Variants in LINGO2 observed in about 807,000 individuals in gnomAD.
LINGO2 encodes the protein leucine-rich repeat and immunoglobulin-like domain-containing nogo receptor-interacting protein 2.
A neutral mutation model predicts 30.6 loss-of-function variants in LINGO2; 14 were observed. The ratio of observed to expected loss-of-function variants is 0.46; its 90% CI spans 0.30 to 0.72. The LOEUF is 0.72. Ranked by LOEUF, LINGO2 falls within the 30% of genes least tolerant of loss-of-function variation. The probability of loss-of-function intolerance (pLI) is 0.07; values close to 1 mark genes in which losing one functional copy is unlikely to be tolerated. For synonymous variants in LINGO2, 317 were observed against 288.5 expected, an observed-to-expected ratio of 1.10 and a Z score of -1.00; for missense variants, 729 against 751.7, an observed-to-expected ratio of 0.97 and a Z score of 0.35.
intron 4 of LINGO2, among the ~76,000 whole-genome samples, chr9:28,177,851 G>T (rs1345203007): frequency 3.3e-5 from 5 of 152,024 alleles, no homozygotes; most frequent in Admixed American, 3.3e-4. Context: ...ATGATTTAGA[G>T]GTCTAATTCA....
intron 2 of LINGO2, among the ~76,000 whole-genome samples, chr9:28,374,595 G>C (rs1337357075): frequency 6.6e-6 from 1 of 152,000 alleles, no homozygotes; most frequent in Non-Finnish European, 1.5e-5. Context: ...TGCCAGATCT[G>C]TACAACCAGA....
chr9:28,270,861 C>T (rs1204634050), intron 4 of LINGO2, among the ~76,000 whole-genome samples: 5 of 152,080 alleles, frequency 3.3e-5, no homozygotes, highest in Non-Finnish European at 7.4e-5. Flanking sequence ...ATAATCCAGA[C>T]TCTACAGATG....
the LINGO2 span, among the ~76,000 whole-genome samples, chr9:29,201,763 A>G: frequency 6.6e-6 from 1 of 152,026 alleles, no homozygotes; most frequent in East Asian, 1.9e-4. Flanking sequence ...GTAGGTACTG[A>G]GCACACAAAT....
At chr9:28,304,813 G>T (rs960233276) in intron 3 of LINGO2, among the ~76,000 whole-genome samples, 10 of 151,952 alleles carry the variant, frequency 6.6e-5, no homozygotes, top group African/African-American at 2.4e-4. Context: ...AAGTAGCATG[G>T]AGTATGTCGA....
intron 4 of LINGO2, among the ~76,000 whole-genome samples, chr9:28,199,561 A>G (rs1350943420): frequency 6.6e-6 from 1 of 151,890 alleles, no homozygotes; most frequent in African/African-American, 2.4e-5. Flanking sequence ...GATGGCCTCG[A>G]TCTCCTGATC....
chr9:29,135,534 G>GGTGACAGA, the LINGO2 span, among the ~76,000 whole-genome samples: 110 of 150,500 alleles, frequency 7.3e-4, 1 homozygote, highest in East Asian at 0.016. Context: ...CTCCAGCCTG[G>GGTGACAGA]GTGACAGAGT....
chr9:27,976,299 A>C (rs886216903), intron 5 of LINGO2, among the ~76,000 whole-genome samples: 1 of 150,928 alleles, frequency 6.6e-6, no homozygotes, highest in African/African-American at 2.4e-5. Flanking sequence ...GCCTTAGATT[A>C]GGGTTCTCAA....
the LINGO2 span, among the ~76,000 whole-genome samples, chr9:28,711,943 G>A: frequency 6.6e-6 from 1 of 152,040 alleles, no homozygotes; most frequent in African/African-American, 2.4e-5. Flanking sequence ...CTCTAGGCTG[G>A]GGACTTGGTT....
At chr9:28,659,409 A>T (rs1828496499) in intron 1 of LINGO2, among the ~76,000 whole-genome samples, 1 of 152,058 alleles carries the variant, frequency 6.6e-6, no homozygotes, top group Non-Finnish European at 1.5e-5. Context: ...TTCTTCAAAG[A>T]CAGCAATAGC....
the LINGO2 span, among the ~76,000 whole-genome samples, chr9:29,134,492 T>G: frequency 2.0e-4 from 31 of 152,300 alleles, 1 homozygote; most frequent in East Asian, 4.6e-3. Flanking sequence ...TATGTGTTTA[T>G]ATGAAACCAC....
chr9:28,991,839 C>A, the LINGO2 span, among the ~76,000 whole-genome samples: 1 of 149,570 alleles, frequency 6.7e-6, no homozygotes, highest in South Asian at 2.1e-4. Flanking sequence ...ACCACCAGGC[C>A]TGCCCTAAAA....
chr9:28,393,273 TATAGG>T (rs1178338616), intron 2 of LINGO2, among the ~76,000 whole-genome samples: 2 of 152,242 alleles, frequency 1.3e-5, no homozygotes, highest in Non-Finnish European at 2.9e-5. Flanking sequence ...AGTTCTAGAA[TATAGG>T]ATAAAAGGAC....
At chr9:28,920,907 T>C in the LINGO2 span, among the ~76,000 whole-genome samples, 1 of 152,154 alleles carries the variant, frequency 6.6e-6, no homozygotes, top group African/African-American at 2.4e-5. Context: ...GGAGATAAAA[T>C]ACCTACATTA....
chr9:28,552,582 G>T (rs1822356100), intron 1 of LINGO2, among the ~76,000 whole-genome samples: 1 of 151,622 alleles, frequency 6.6e-6, no homozygotes, highest in Non-Finnish European at 1.5e-5. Context: ...TGGGAACATG[G>T]TCACATGGTG....
At chr9:28,568,805 G>A (rs936392631) in intron 1 of LINGO2, among the ~76,000 whole-genome samples, 14 of 151,904 alleles carry the variant, frequency 9.2e-5, no homozygotes, top group Admixed American at 7.9e-4. Context: ...AAATTTGAAC[G>A]AGTTCATCAA....
chr9:29,119,017 A>G, the LINGO2 span, among the ~76,000 whole-genome samples: 142 of 152,176 alleles, frequency 9.3e-4, no homozygotes, highest in African/African-American at 3.2e-3. Context: ...AACATATGTC[A>G]TTGTCCCTGA....
chr9:28,142,499 T>C (rs990878492), intron 4 of LINGO2, among the ~76,000 whole-genome samples: 3 of 152,138 alleles, frequency 2.0e-5, no homozygotes, highest in Non-Finnish European at 4.4e-5. Flanking sequence ...TTCATGTCCA[T>C]AGCAAAGGGT....
chr9:28,045,870 C>A (rs1411141801), intron 4 of LINGO2, among the ~76,000 whole-genome samples: 1 of 152,134 alleles, frequency 6.6e-6, no homozygotes, highest in African/African-American at 2.4e-5. Flanking sequence ...CTACAATGTT[C>A]TTCCCATCTA....
At chr9:28,182,728 G>C (rs1773734424) in intron 4 of LINGO2, among the ~76,000 whole-genome samples, 1 of 152,182 alleles carries the variant, frequency 6.6e-6, no homozygotes, top group South Asian at 2.1e-4. Context: ...CTGGTCATTA[G>C]AGAAATGCAA....
Sources: allele counts gnomAD v4.1 joint callset (sites outside exome capture counted in the v4.1 genomes callset), GRCh38; gene constraint gnomAD v4.1.1; transcripts MANE v1.5; gene names NCBI Gene and HGNC (gene_info 2026-07-23, HGNC 2026-07-21).